The following BBS9 variants were observed in gnomAD, a reference collection of about 807,000 sequenced individuals.
BBS9 encodes the protein Bardet-Biedl syndrome 9.
In BBS9, 89 loss-of-function variants were observed where a neutral mutation model predicts 117.7. The observed-to-expected ratio is 0.76, with a 90% CI of 0.64 to 0.90. BBS9 has a LOEUF of 0.90. Ranked by LOEUF, BBS9 falls within the 40% of genes least tolerant of loss-of-function variation. BBS9 has a pLI of 0.00. For synonymous variants in BBS9, 379 were observed against 370.9 expected (o/e 1.02, Z -0.25); for missense variants, 982 against 1,042.2 (o/e 0.94, Z 0.80).
At chr7:33,421,327 A>T (rs1194556248) in intron 19 of BBS9, among the ~76,000 whole-genome samples, 1 of 152,170 alleles carries the variant, frequency 6.6e-6, no homozygotes, top group Non-Finnish European at 1.5e-5. Flanking sequence ...GAGGGAGTGC[A>T]AAACATACAC....
intron 19 of BBS9, among the ~76,000 whole-genome samples, chr7:33,454,295 T>A (rs1024053287): frequency 1.3e-5 from 2 of 152,242 alleles, no homozygotes; most frequent in African/African-American, 4.8e-5. Flanking sequence ...TTGTTTTTAA[T>A]CCAGTAGTTT....
intron 5 of BBS9, among the ~76,000 whole-genome samples, chr7:33,242,360 G>A (rs986750600): frequency 6.6e-6 from 1 of 151,898 alleles, no homozygotes; most frequent in African/African-American, 2.4e-5. Context: ...GTCAATATGA[G>A]GATCTACTAG....
At chr7:33,172,009 T>C (rs576648132) in intron 4 of BBS9, among the ~76,000 whole-genome samples, 30 of 112,044 alleles carry the variant, frequency 2.7e-4, no homozygotes, top group African/African-American at 7.5e-4. Flanking sequence ...AAATAGCCAG[T>C]AGGCAAGCAG....
intron 19 of BBS9, among the ~76,000 whole-genome samples, chr7:33,474,692 A>T (rs1325331965): frequency 6.6e-6 from 1 of 152,208 alleles, no homozygotes; most frequent in Non-Finnish European, 1.5e-5. Context: ...TCACTCCTGT[A>T]ATCGCAGCAC....
At chr7:33,376,930 T>C (rs552390094) in intron 17 of BBS9, among the ~76,000 whole-genome samples, 4 of 152,184 alleles carry the variant, frequency 2.6e-5, no homozygotes, top group Non-Finnish European at 4.4e-5. Flanking sequence ...AAGTTCCTTA[T>C]AGATTCTGGA....
intron 21 of BBS9, among the ~76,000 whole-genome samples, chr7:33,618,441 A>G (rs1237994312): frequency 6.6e-6 from 1 of 152,224 alleles, no homozygotes; most frequent in Non-Finnish European, 1.5e-5. Flanking sequence ...TTGAGACTAC[A>G]TTAATACCAT....
intron 21 of BBS9, among the ~76,000 whole-genome samples, chr7:33,627,216 G>T (rs1406228181): frequency 2.6e-5 from 4 of 152,212 alleles, no homozygotes; most frequent in Non-Finnish European, 2.9e-5. Flanking sequence ...ATACATCTAG[G>T]CTGCTGCTCC....
chr7:33,191,336 T>A lies in BBS9; in HGVS notation c.442+13745T>A, dbSNP rs2049759. ...GTATCCGTGAGCTTTGAGTTAATGG[T>A]CAGTCTGAATGAAGAAGTAAACAAC... On this transcript the variant is annotated intron_variant, in intron 5 of 22. Transcript: ENST00000242067. 5.4e-4 allele frequency among the ~76,000 whole-genome samples: 82 copies of A among 152,242 alleles called. No homozygotes were observed. The East Asian group carries it at 0.013, about 25-fold the overall frequency.
intron 19 of BBS9, among the ~76,000 whole-genome samples, chr7:33,464,975 G>C (rs1839957850): frequency 6.6e-6 from 1 of 151,916 alleles, no homozygotes; most frequent in Non-Finnish European, 1.5e-5. Flanking sequence ...ACAGACGCGT[G>C]CCACCATCAT....
intron 1 of BBS9, among the ~76,000 whole-genome samples, chr7:33,144,601 G>A (rs1035862647): frequency 1.2e-4 from 19 of 152,116 alleles, no homozygotes; most frequent in African/African-American, 3.4e-4. Flanking sequence ...CCACATTTTC[G>A]TAGGTTGTTT....
chr7:33,522,548 T>C (rs1397910800), intron 20 of BBS9, among the ~76,000 whole-genome samples: 1 of 152,210 alleles, frequency 6.6e-6, no homozygotes, highest in Non-Finnish European at 1.5e-5. Context: ...ACGTCTTCTT[T>C]TGAGAAGTGT....
intron 19 of BBS9, among the ~76,000 whole-genome samples, chr7:33,416,203 C>A (rs950375756): frequency 2.0e-5 from 3 of 151,726 alleles, no homozygotes; most frequent in East Asian, 3.9e-4. Context: ...TTAAAAATTT[C>A]TCTTGAAAAA....
At chr7:33,456,650 G>A (rs2128926213) in intron 19 of BBS9, among the ~76,000 whole-genome samples, 1 of 151,708 alleles carries the variant, frequency 6.6e-6, no homozygotes, top group East Asian at 1.9e-4. Flanking sequence ...TCCTAGATAT[G>A]GGTAAATAAG....
intron 21 of BBS9, among the ~76,000 whole-genome samples, chr7:33,626,101 C>T (rs1865624715): frequency 6.6e-6 from 1 of 152,068 alleles, no homozygotes; most frequent in Non-Finnish European, 1.5e-5. Flanking sequence ...GGGTGGACTT[C>T]CCCCTTGCTG....
At chr7:33,150,105 T>A (rs1485054182) in intron 2 of BBS9, among the ~76,000 whole-genome samples, 1 of 152,170 alleles carries the variant, frequency 6.6e-6, no homozygotes, top group Non-Finnish European at 1.5e-5. Flanking sequence ...CTGGAGAGAT[T>A]TGTCAGGTCA....
intron 9 of BBS9, among the ~76,000 whole-genome samples, chr7:33,299,070 C>A (rs922491068): frequency 3.3e-5 from 5 of 152,186 alleles, no homozygotes; most frequent in African/African-American, 1.2e-4. Context: ...TGTTATTATG[C>A]AGACCCTGTG....
chr7:33,314,234 CCTTT>C, intron 9 of BBS9: 2 of 413,870 alleles, frequency 4.8e-6, no homozygotes, highest in Middle Eastern at 7.8e-4. Flanking sequence ...ATTTTAATTT[CCTTT>C]CTTTTTTTTT....
In BBS9 at chr7:33,303,532, C is replaced by G. The variant is rs557216723; in HGVS notation, c.1016+29576C>G. 7.7e-4 allele frequency among the ~76,000 whole-genome samples: 100 copies of G among 129,980 alleles called. 1 individual carries two copies. The highest frequency in any genetic ancestry group is 2.8e-3 in the African/African-American group (93 of 32,836). 85.3% of individuals were successfully genotyped at this position (129,980 alleles called of 152,430 possible). A position where few individuals can be genotyped will look rare whatever the true frequency, so the allele number is the denominator to read the frequency against. ...ACTGAAATGATCCCCTCCCCCCGCC[C>G]CTTCTTTCTTTGGTCTCCCTCTGTT... On this transcript the variant is annotated intron_variant, in intron 9 of 22. Transcript: ENST00000242067.
At chr7:33,467,011 T>TTCTC (rs576849835) in intron 19 of BBS9, among the ~76,000 whole-genome samples, 14 of 105,216 alleles carry the variant, frequency 1.3e-4, no homozygotes, top group Middle Eastern at 4.8e-3. Context: ...CATTCATTCA[T>TTCTC]TCTCTCTCTC....
Sources: allele counts gnomAD v4.1 joint callset (sites outside exome capture counted in the v4.1 genomes callset), GRCh38; gene constraint gnomAD v4.1.1; transcripts MANE v1.5; gene names NCBI Gene and HGNC (gene_info 2026-07-23, HGNC 2026-07-21).